The following SNTG1 variants were observed in gnomAD, a reference collection of about 807,000 sequenced individuals.
SNTG1 encodes the protein gamma-1-syntrophin.
A neutral mutation model predicts 74.7 loss-of-function variants in SNTG1; 39 were observed. That is an observed-to-expected ratio of 0.52 (90% confidence interval 0.40 to 0.68). The LOEUF (loss-of-function observed/expected upper bound fraction) is 0.68, where lower values mean the gene tolerates loss of function less well. Among genes scored for constraint, SNTG1 ranks in the 30% least tolerant of loss-of-function variants. SNTG1 has a pLI of 0.00. For synonymous variants in SNTG1, 254 were observed against 217.1 expected (o/e 1.17, Z -1.49); for missense variants, 685 against 609.5 (o/e 1.12, Z -1.30).
At chr8:50,422,916 A>G (rs2093113143) in intron 4 of SNTG1, among the ~76,000 whole-genome samples, 1 of 152,136 alleles carries the variant, frequency 6.6e-6, no homozygotes. Context: ...TACCATTTAA[A>G]CTATAACCTA....
chr8:50,652,656 G>C lies in SNTG1; in HGVS notation c.850-4253G>C, dbSNP rs184280930. The stretch of plus-strand genomic sequence containing the variant: ...TAGTAAAAATATAAAAATTAGCCGG[G>C]GTTGGTGGTGGGCACCTTTAGTCCC... On this transcript the variant is annotated intron_variant, in intron 13 of 18. Transcript: ENST00000642720. Among the ~76,000 whole-genome samples, 893 of 152,100 alleles carry C rather than the reference G, an allele frequency of 5.9e-3. 10 individuals are homozygous for C. Among genetic ancestry groups the C allele is most frequent in the African/African-American group, 0.02 (846 of 41,478 alleles).
chr8:50,402,370 ATTTTTTGTGTTTG>A (rs2092818132), intron 4 of SNTG1, 26 bp downstream of exon 4: 1 of 1,562,536 alleles, frequency 6.4e-7, no homozygotes, highest in East Asian at 2.3e-5. Flanking sequence ...TTCTGTTGAA[ATTTTTTGTGTTTG>A]TTTTTTGTTA....
intron 13 of SNTG1, among the ~76,000 whole-genome samples, chr8:50,602,758 C>T (rs1194423350): frequency 6.6e-6 from 1 of 152,140 alleles, no homozygotes; most frequent in African/African-American, 2.4e-5. Context: ...ATGCTTAATG[C>T]ATATTTTCAC....
chr8:50,743,242 A>G lies in SNTG1; in HGVS notation c.1285-8759A>G, dbSNP rs1042501132. Reference sequence around the variant, plus strand: ...CAATATTCCTAATGAATATTAATTTAAAAAACTCTCAAAAAATACTAGCAA... The same window carrying G: ...CAATATTCCTAATGAATATTAATTTGAAAAACTCTCAAAAAATACTAGCAA... On this transcript the variant is annotated intron_variant, in intron 17 of 18. Coordinates refer to ENST00000642720, the MANE Select transcript of SNTG1 (RefSeq NM_018967.5). 3.3e-5 allele frequency among the ~76,000 whole-genome samples: 5 copies of G among 152,100 alleles called. No individual in the cohort carries two copies. In the East Asian group the frequency reaches 9.7e-4, roughly 30 times the overall value.
rs2094018886 is a variant in SNTG1, at chr8:50,507,596, T to C, written c.466+4716T>C. On this transcript the variant is annotated intron_variant, in intron 9 of 18. Transcript: ENST00000642720. The stretch of plus-strand genomic sequence containing the variant: ...AAGGTTATCTATTTTTTCTAGATTA[T>C]TCAGTTTGTTGGCACATAATTGTCC... Among the ~76,000 whole-genome samples, 3 of 152,204 alleles carry C rather than the reference T, an allele frequency of 2.0e-5. No homozygotes were observed. In the South Asian group the frequency reaches 6.2e-4, roughly 31 times the overall value.
chr8:50,527,036 C>A (rs1364515465), intron 9 of SNTG1, among the ~76,000 whole-genome samples: 1 of 152,104 alleles, frequency 6.6e-6, no homozygotes, highest in Non-Finnish European at 1.5e-5. Context: ...TCCAGCCATT[C>A]TATTGAGTGT....
At chr8:50,432,650 G>T (rs1011866651) in intron 4 of SNTG1, among the ~76,000 whole-genome samples, 2 of 151,926 alleles carry the variant, frequency 1.3e-5, no homozygotes, top group Non-Finnish European at 2.9e-5. Flanking sequence ...CATGAATACG[G>T]TTATCTCTTC....
At chr8:50,762,855 G>C in intron 18 of SNTG1, 1 of 365,456 alleles carries the variant, frequency 2.7e-6, no homozygotes, top group South Asian at 2.2e-5. Context: ...GAAGCCAGAC[G>C]TCACACTCTA....
intron 18 of SNTG1, among the ~76,000 whole-genome samples, chr8:50,779,505 G>C (rs1226106874): frequency 6.6e-6 from 1 of 152,004 alleles, no homozygotes; most frequent in South Asian, 2.1e-4. Flanking sequence ...CTCTCTGTTT[G>C]TCTTTTATTG....
chr8:50,412,758 G>A (rs28562037), intron 4 of SNTG1, among the ~76,000 whole-genome samples: 2,839 of 152,272 alleles, frequency 0.019, 88 homozygotes, highest in African/African-American at 0.065. Context: ...GACAAAAAGT[G>A]TATGCAAAAT....
intron 2 of SNTG1, among the ~76,000 whole-genome samples, chr8:50,323,428 A>G (rs532502445): frequency 6.6e-6 from 1 of 152,296 alleles, no homozygotes; most frequent in African/African-American, 2.4e-5. Flanking sequence ...TCTGGGCATT[A>G]AAGAATTAGG....
upstream of SNTG1, among the ~76,000 whole-genome samples, chr8:49,910,517 A>G (rs933013827): frequency 4.7e-4 from 72 of 151,976 alleles, no homozygotes; most frequent in African/African-American, 1.6e-3. Flanking sequence ...AACAGTTTCA[A>G]CGTTATGTAT....
At chr8:50,086,727 C>A (rs1822923522) in intron 1 of SNTG1, among the ~76,000 whole-genome samples, 1 of 151,996 alleles carries the variant, frequency 6.6e-6, no homozygotes. Flanking sequence ...GTGTTGTTTG[C>A]AAGAGGTGGT....
At chr8:50,074,825 A>T (rs1345567898) in intron 1 of SNTG1, among the ~76,000 whole-genome samples, 1 of 152,040 alleles carries the variant, frequency 6.6e-6, no homozygotes, top group East Asian at 1.9e-4. Flanking sequence ...CCAAAGCCAG[A>T]GCCAACTCCC....
chr8:49,928,807 G>T (rs1563358422), intron 1 of SNTG1, among the ~76,000 whole-genome samples: 1 of 151,786 alleles, frequency 6.6e-6, no homozygotes, highest in Non-Finnish European at 1.5e-5. Context: ...AAACAAAAAA[G>T]TAATAAAATG....
chr8:50,622,536 T>C (rs989157150), intron 13 of SNTG1, among the ~76,000 whole-genome samples: 1 of 152,130 alleles, frequency 6.6e-6, no homozygotes, highest in Non-Finnish European at 1.5e-5. Context: ...GTCGTTTAGT[T>C]AGGGTAAACT....
At chr8:50,710,106 C>T (rs1353632005) in intron 17 of SNTG1, among the ~76,000 whole-genome samples, 1 of 152,126 alleles carries the variant, frequency 6.6e-6, no homozygotes. Context: ...CTTCATGACT[C>T]AGCAGTTGGC....
intron 11 of SNTG1, 135 bp from the exon 12 acceptor site, chr8:50,552,915 T>C: frequency 9.7e-7 from 1 of 1,029,574 alleles, no homozygotes. Context: ...GCTTATAAAG[T>C]CAGGTAACCA....
chr8:50,320,120 G>A (rs1212408614), intron 2 of SNTG1, among the ~76,000 whole-genome samples: 1 of 152,128 alleles, frequency 6.6e-6, no homozygotes, highest in Non-Finnish European at 1.5e-5. Context: ...ATAGGGTTTA[G>A]CAGTGAAGAC....
Sources: allele counts gnomAD v4.1 joint callset (sites outside exome capture counted in the v4.1 genomes callset), GRCh38; gene constraint gnomAD v4.1.1; transcripts MANE v1.5; gene names NCBI Gene and HGNC (gene_info 2026-07-23, HGNC 2026-07-21).